The following MKNK2 variants were observed in gnomAD, a reference collection of about 807,000 sequenced individuals.
MKNK2 encodes MAPK interacting serine/threonine kinase 2, also known as MAP kinase-interacting serine/threonine-protein kinase 2.
Under a neutral mutation model 55.0 loss-of-function variants are expected in MKNK2, and 54 were observed. That is an observed-to-expected ratio of 0.98 (90% CI 0.79 to 1.23). The LOEUF (loss-of-function observed/expected upper bound fraction) is 1.23. MKNK2 is among the 50% of genes most tolerant of loss of function. The pLI, the probability that MKNK2 is intolerant of heterozygous loss-of-function variation, is 0.00. For missense variants in MKNK2, 685 were observed against 632.1 expected (o/e 1.08, Z -0.90); for synonymous variants, 323 against 256.0 (o/e 1.26, Z -2.50).
At position 2,039,778 on chromosome 19, in the gene MKNK2, C is replaced by T. The variant is rs772265821; in HGVS notation, c.1233G>A (p.Glu411=). The stretch of plus-strand genomic sequence containing the variant: ...CCGCGGCCTCCTCCTCAGCCAGGTC[C>T]TCGTCGTGCTGGGCCAGCTGCCGGT... ...AMNRQLAQHD[E]DLAEEEAAGQ... The change falls in exon 14 of 14, where the codon GAG becomes GAA. Residue 411 remains glutamate, a synonymous_variant. Coordinates refer to ENST00000250896, the MANE Select transcript of MKNK2 (RefSeq NM_199054.3). 2.2e-5 allele frequency: 35 copies of T among 1,607,696 alleles called. No individual in the cohort carries two copies. Among genetic ancestry groups the T allele is most frequent in the Admixed American group, 5.0e-5 (3 of 60,000 alleles).
At chr19:2,050,233 G>A (rs960837008) in intron 2 of MKNK2, among the ~76,000 whole-genome samples, 5 of 152,208 alleles carry the variant, frequency 3.3e-5, no homozygotes, top group Non-Finnish European at 7.3e-5. Flanking sequence ...GGGTGTCTGC[G>A]AAGTGCAGGG....
intron 2 of MKNK2, among the ~76,000 whole-genome samples, chr19:2,047,803 G>A (rs1413047795): frequency 6.6e-5 from 10 of 152,032 alleles, no homozygotes; most frequent in Non-Finnish European, 2.9e-5. Context: ...TGGTGCTCTG[G>A]GGCCTGCTGA....
chr19:2,042,367 C>G, intron 10 of MKNK2, 60 bp downstream of exon 10: 2 of 1,450,730 alleles, frequency 1.4e-6, no homozygotes, highest in Non-Finnish European at 1.9e-6. Context: ...CCAGGCTCCG[C>G]GAGGTTATGC....
chr19:2,048,599 G>T (rs887932), intron 2 of MKNK2, among the ~76,000 whole-genome samples: 14,684 of 152,176 alleles, frequency 0.096, 832 homozygotes, highest in African/African-American at 0.16. Flanking sequence ...GACAACCTGA[G>T]TGGGGCTCTA....
rs2016775183 is a variant in MKNK2 at position 2,037,634 on chromosome 19, T to G, written c.*1979A>C. ...CCACTTTAAAAAAACTTTTGAGGTT[T>G]TTTTTTTTTTTTTGTCTTTTAAAAA... is the stretch of plus-strand genomic sequence containing the variant. On this transcript the variant is annotated 3_prime_UTR_variant, in exon 14 of 14. Transcript: ENST00000250896. The G allele has an allele frequency of 6.5e-6, 5 of 771,520 alleles. No individual in the cohort carries two copies. The highest frequency in any genetic ancestry group is 4.4e-5 in the Admixed American group (1 of 22,960). The allele number at this position is 771,520 out of a possible 1,614,324, so 47.8% of individuals were successfully genotyped here. A position where few individuals can be genotyped will look rare whatever the true frequency, so the allele number is the denominator to read the frequency against.
rs201650721 is a variant in MKNK2 at position 2,046,311 on chromosome 19, G to A, written c.242-28C>T. ...GCCGGGCAGCGGGGCGGGCGTGAGA[G>A]GGACCCTGGCTTTTCCCCGCTCCCG... On this transcript the variant is annotated intron_variant, in intron 4 of 13. Coordinates refer to ENST00000250896, the MANE Select transcript of MKNK2 (RefSeq NM_199054.3). 2,161 of 1,603,404 alleles carry A rather than the reference G, an allele frequency of 1.3e-3. 17 individuals are homozygous for A. The highest frequency in any genetic ancestry group is 6.1e-3 in the South Asian group (559 of 91,076).
At position 2,039,721 on chromosome 19, in the gene MKNK2, G is replaced by A; in HGVS notation, c.1290C>T (p.Thr430=). 1 of 1,611,902 alleles carries A rather than the reference G, an allele frequency of 6.2e-7. No individual in the cohort carries two copies. Among genetic ancestry groups the A allele is most frequent in the Non-Finnish European group, 8.5e-7 (1 of 1,179,892 alleles). Residue 430 remains threonine, a synonymous_variant, in exon 14 of 14, where the codon ACC becomes ACT. Coordinates refer to ENST00000250896, the MANE Select transcript of MKNK2 (RefSeq NM_199054.3). ...GTGGAGACAGCTGCAGGCAGCGTGAGGTAGCTCGGACCAGGACGGGCTGGC... is the reference window on the plus strand; with the variant it reads ...GTGGAGACAGCTGCAGGCAGCGTGAAGTAGCTCGGACCAGGACGGGCTGGC... ...GQGQPVLVRA[T]SRCLQLSPPS...
rs1164045900 is a variant in MKNK2, at chr19:2,041,836, G to A, written c.945+4C>T. The A allele has an allele frequency of 2.6e-6, 4 of 1,515,262 alleles. No homozygotes were observed. Among genetic ancestry groups the A allele is most frequent in the Non-Finnish European group, 3.5e-6 (4 of 1,131,700 alleles). The allele number at this position is 1,515,262 out of a possible 1,614,324, so 93.9% of individuals were successfully genotyped here. A position where few individuals can be genotyped will look rare whatever the true frequency, so the allele number is the denominator to read the frequency against. ...AGGAGAGGAGGGTGCGCGGGCCGCC[G>A]CACCTGGCAGGCAGGGCAGGCCTCG... On this transcript the variant is annotated splice_donor_region_variant and intron_variant, in intron 11 of 13. Transcript: ENST00000250896.
At chr19:2,043,681 T>TC (rs2016940814) in intron 5 of MKNK2, 99 bp from the exon 6 acceptor site, 2 of 1,075,446 alleles carry the variant, frequency 1.9e-6, no homozygotes, top group African/African-American at 3.1e-5. Flanking sequence ...TCACCACACT[T>TC]AACGCCCTGC....
At chr19:2,043,607 A>C (rs1213291833) in intron 5 of MKNK2, 25 bp from the exon 6 acceptor site, 8 of 1,610,958 alleles carry the variant, frequency 5.0e-6, no homozygotes, top group Non-Finnish European at 5.9e-6. Flanking sequence ...AGGACACAGC[A>C]CCTGGGTTGG....
Position 2,040,170 on chromosome 19 carries a change from G to C in MKNK2, c.1118C>G (p.Pro373Arg). The C allele has an allele frequency of 6.3e-7, 1 of 1,584,160 alleles. No homozygotes were observed. The highest frequency in any genetic ancestry group is 8.6e-7 in the Non-Finnish European group (1 of 1,166,490). The change falls in exon 13 of 14, where the codon CCG becomes CGG. Residue 373 changes from proline to arginine, a missense_variant. By Grantham distance (103) the Pro-to-Arg change is moderately radical (BLOSUM62 -2). Transcript: ENST00000250896. Reference protein sequence around the residue: ...LQHPWVQGCAPENTLPTPMVL... With the variant: ...LQHPWVQGCARENTLPTPMVL... ...CATGGGAGTGGGCAAGGTGTTCTCCGGGGCGCACTGCAACGAGAGTGGGCG... is the reference window on the plus strand; with the variant it reads ...CATGGGAGTGGGCAAGGTGTTCTCCCGGGCGCACTGCAACGAGAGTGGGCG...
chr19:2,039,444 A>C lies in MKNK2; in HGVS notation c.*169T>G. ...GGAGGGGTGGAAACAGGAAAAAAAAAACCCAAAAGCAAAAACCTTCTATAA... is the reference window on the plus strand; with the variant it reads ...GGAGGGGTGGAAACAGGAAAAAAAACACCCAAAAGCAAAAACCTTCTATAA... On this transcript the variant is annotated 3_prime_UTR_variant, in exon 14 of 14. Transcript: ENST00000250896. 1 of 1,404,872 alleles carries C rather than the reference A, an allele frequency of 7.1e-7. No homozygotes were observed. The highest frequency in any genetic ancestry group is 9.2e-7 in the Non-Finnish European group (1 of 1,081,384). The allele number at this position is 1,404,872 out of a possible 1,614,324, so 87.0% of individuals were successfully genotyped here.
In MKNK2 at chr19:2,038,819, C is replaced by G; in HGVS notation, c.*794G>C. On this transcript the variant is annotated 3_prime_UTR_variant, in exon 14 of 14. Transcript: ENST00000250896. ...GCGGTGGAAACGGCTTCGGGCCAGG[C>G]GGGGCTCCTGCTGTCTCAGGCCTTG... The G allele has an allele frequency of 1.0e-6, 1 of 985,696 alleles. No individual in the cohort carries two copies. The highest frequency in any genetic ancestry group is 1.2e-6 in the Non-Finnish European group (1 of 829,976). The allele number at this position is 985,696 out of a possible 1,614,324, so 61.1% of individuals were successfully genotyped here. A position where few individuals can be genotyped will look rare whatever the true frequency, so the allele number is the denominator to read the frequency against.
intron 2 of MKNK2, among the ~76,000 whole-genome samples, chr19:2,049,781 C>G (rs970218898): frequency 6.6e-6 from 1 of 152,196 alleles, no homozygotes; most frequent in Non-Finnish European, 1.5e-5. Flanking sequence ...TAGGGGAAAA[C>G]TGGGCAGGGG....
Position 2,041,946 on chromosome 19 carries a change from C to T in MKNK2, c.839G>A (p.Ser280Asn). ...TAGGATATACAAGATGACGCCCAGG[C>T]TCCACAGGTCGCAGCGCTTGTCGTA... ...SIYDKRCDLWSLGVILYILLS... is the reference protein window; with the variant it reads ...SIYDKRCDLWNLGVILYILLS... Residue 280 changes from serine (S) to asparagine (N), a missense_variant, in exon 11 of 14, where the codon AGC becomes AAC. Transcript: ENST00000250896. 1 of 1,557,530 alleles carries T rather than the reference C, an allele frequency of 6.4e-7. No homozygotes were observed. The highest frequency in any genetic ancestry group is 8.7e-7 in the Non-Finnish European group (1 of 1,150,710).
In MKNK2 at chr19:2,039,015, A is replaced by G; in HGVS notation, c.*598T>C. On this transcript the variant is annotated 3_prime_UTR_variant, in exon 14 of 14. Coordinates refer to ENST00000250896, the MANE Select transcript of MKNK2 (RefSeq NM_199054.3). Reference sequence around the variant, plus strand: ...GCAGGCGCGGGTGAAGGGCTGGGGGATCCCATGGGGTGGGTGGGTGAGCTG... The same window carrying G: ...GCAGGCGCGGGTGAAGGGCTGGGGGGTCCCATGGGGTGGGTGGGTGAGCTG... 1.0e-6 allele frequency: 1 copy of G among 985,788 alleles called. No homozygotes were observed. The highest frequency in any genetic ancestry group is 4.7e-5 in the South Asian group (1 of 21,302). 61.1% of individuals were successfully genotyped at this position (985,788 alleles called of 1,614,324 possible).
At chr19:2,049,132 G>A (rs1306436925) in intron 2 of MKNK2, among the ~76,000 whole-genome samples, 5 of 152,216 alleles carry the variant, frequency 3.3e-5, no homozygotes, top group South Asian at 2.1e-4. Flanking sequence ...ATGGACGGCC[G>A]CAGCCACCAC....
At position 2,038,446 on chromosome 19, in the gene MKNK2, G is replaced by T; in HGVS notation, c.*1167C>A. 1 of 984,828 alleles carries T rather than the reference G, an allele frequency of 1.0e-6. No individual in the cohort carries two copies. The highest frequency in any genetic ancestry group is 1.2e-6 in the Non-Finnish European group (1 of 829,270). The allele number at this position is 984,828 out of a possible 1,614,324, so 61.0% of individuals were successfully genotyped here. On this transcript the variant is annotated 3_prime_UTR_variant, in exon 14 of 14. Transcript: ENST00000250896. The stretch of plus-strand genomic sequence containing the variant: ...CCCACCCGCGGGGAGGGGGCAGCAG[G>T]CTCCGCAGCCCCCGGGGGTTGGAGC...
At position 2,038,590 on chromosome 19, in the gene MKNK2, C is replaced by A. The variant is rs929643294; in HGVS notation, c.*1023G>T. 1.0e-6 allele frequency: 1 copy of A among 985,150 alleles called. No homozygotes were observed. The highest frequency in any genetic ancestry group is 6.2e-5 in the Admixed American group (1 of 16,248). The allele number at this position is 985,150 out of a possible 1,614,324, so 61.0% of individuals were successfully genotyped here. On this transcript the variant is annotated 3_prime_UTR_variant, in exon 14 of 14. Coordinates refer to ENST00000250896, the MANE Select transcript of MKNK2 (RefSeq NM_199054.3). ...AAACACTGCCCTGGGGGTGAGGATTCGGCCAGACCCCGGGGTCTGGGCTCA... is the reference window on the plus strand; with the variant it reads ...AAACACTGCCCTGGGGGTGAGGATTAGGCCAGACCCCGGGGTCTGGGCTCA...
Sources: gnomAD v4.1 joint callset for allele counts (sites outside exome capture counted in the v4.1 genomes callset) on GRCh38, gnomAD v4.1.1 for gene constraint, MANE v1.5 for transcripts, NCBI Gene and HGNC (gene_info 2026-07-23, HGNC 2026-07-21) for gene names.